Variants in EPB41 observed in about 807,000 individuals in gnomAD.
The protein encoded by EPB41 is erythrocyte membrane protein band 4.1.
A neutral mutation model predicts 108.0 loss-of-function variants in EPB41; 65 were observed. The ratio of observed to expected loss-of-function variants is 0.60; its 90% CI spans 0.49 to 0.74. The LOEUF (loss-of-function observed/expected upper bound fraction) is 0.74. Among genes scored for constraint, EPB41 ranks in the 30% least tolerant of loss-of-function variants. EPB41 has a pLI of 0.00. For synonymous variants in EPB41, 336 were observed against 358.9 expected, an observed-to-expected ratio of 0.94 and a Z score of 0.72; for missense variants, 875 against 1,037.0, an observed-to-expected ratio of 0.84 and a Z score of 2.15.
At chr1:28,973,300 T>G (rs2095533031) in intron 1 of EPB41, among the ~76,000 whole-genome samples, 1 of 152,212 alleles carries the variant, frequency 6.6e-6, no homozygotes, top group Admixed American at 6.5e-5. Flanking sequence ...ATAGCCCTTC[T>G]CTGGTGTCCT....
intron 1 of EPB41, among the ~76,000 whole-genome samples, chr1:28,966,326 A>T (rs1378577990): frequency 5.9e-5 from 9 of 152,126 alleles, no homozygotes; most frequent in Non-Finnish European, 1.3e-4. Context: ...TGATTTCTTT[A>T]CCCTTCACCA....
intron 7 of EPB41, among the ~76,000 whole-genome samples, chr1:29,022,587 G>T (rs2096660779): frequency 6.6e-6 from 1 of 151,954 alleles, no homozygotes; most frequent in Admixed American, 6.6e-5. Flanking sequence ...CAGGCATGGT[G>T]GTGGGCACCT....
Position 29,058,572 on chromosome 1 carries a change from T to G in EPB41, c.1846-17T>G. 1.2e-6 allele frequency: 2 copies of G among 1,610,766 alleles called. No individual in the cohort carries two copies. Among genetic ancestry groups the G allele is most frequent in the Middle Eastern group, 1.7e-4 (1 of 6,056 alleles). On this transcript the variant is annotated splice_polypyrimidine_tract_variant and intron_variant, in intron 12 of 20. Coordinates refer to ENST00000343067, the MANE Select transcript of EPB41 (RefSeq NM_001376013.1). Reference sequence around the variant, plus strand: ...CTAACCTAAAATGTTTTTACTACTTTTATTTCTTAAATGTAGGTGGAAAAA... The same window carrying G: ...CTAACCTAAAATGTTTTTACTACTTGTATTTCTTAAATGTAGGTGGAAAAA...
chr1:29,041,875 T>C (rs1641672046), intron 11 of EPB41, among the ~76,000 whole-genome samples: 1 of 152,220 alleles, frequency 6.6e-6, no homozygotes, highest in Non-Finnish European at 1.5e-5. Context: ...GATAGTATCA[T>C]ACTACCTCAA....
chr1:29,061,419 G>A lies in EPB41; in HGVS notation c.2007+935G>A, dbSNP rs191868989. Among the ~76,000 whole-genome samples the A allele has an allele frequency of 5.1e-3, 781 of 151,936 alleles. 10 individuals carry two copies. The highest frequency in any genetic ancestry group is 4.8e-3 in the Non-Finnish European group (325 of 67,928). Reference sequence around the variant, plus strand: ...CAAGTAGCTGGGACTACAGGCGCCCGCCACCTGTCTGGCTAATTTTTTTGT... The same window carrying A: ...CAAGTAGCTGGGACTACAGGCGCCCACCACCTGTCTGGCTAATTTTTTTGT... On this transcript the variant is annotated intron_variant, in intron 15 of 20. Transcript: ENST00000343067.
At chr1:28,995,555 C>T (rs1042892418) in intron 3 of EPB41, among the ~76,000 whole-genome samples, 4 of 152,056 alleles carry the variant, frequency 2.6e-5, no homozygotes, top group East Asian at 1.9e-4. Context: ...AGTGAGACTC[C>T]GTCTCAAAAC....
chr1:29,046,970 T>A (rs1643407362), intron 11 of EPB41, among the ~76,000 whole-genome samples: 1 of 152,144 alleles, frequency 6.6e-6, no homozygotes, highest in South Asian at 2.1e-4. Flanking sequence ...TTTGTAATGT[T>A]GTGGTCAGGT....
chr1:29,053,012 T>C (rs1044797609), intron 11 of EPB41, 92 bp from the exon 12 acceptor site: 1 of 1,366,220 alleles, frequency 7.3e-7, no homozygotes, highest in African/African-American at 1.4e-5. Context: ...TTCGTGTGTA[T>C]CCTGGATTCA....
At chr1:28,929,625 G>A (rs1358170658) in intron 1 of EPB41, among the ~76,000 whole-genome samples, 3 of 151,908 alleles carry the variant, frequency 2.0e-5, no homozygotes, top group African/African-American at 4.8e-5. Flanking sequence ...TCTGCCTCCC[G>A]GGTTCAAGCG....
chr1:28,926,129 G>A (rs931787030), intron 1 of EPB41, among the ~76,000 whole-genome samples: 1 of 151,650 alleles, frequency 6.6e-6, no homozygotes, highest in African/African-American at 2.4e-5. Context: ...TGGATCACCT[G>A]AAGTCAGAAG....
At chr1:29,020,205 T>C (rs2096626795) in intron 7 of EPB41, among the ~76,000 whole-genome samples, 1 of 151,860 alleles carries the variant, frequency 6.6e-6, no homozygotes, top group African/African-American at 2.4e-5. Context: ...GTAGCTGGGA[T>C]TACAGGCGCC....
At position 28,887,245 on chromosome 1, in the gene EPB41, C is replaced by G; in HGVS notation, c.-8+35C>G. On this transcript the variant is annotated intron_variant, in intron 1 of 16. Coordinates refer to the EPB41 transcript ENST00000347529. The surrounding 1 kb of genome is among the most constrained non-coding windows in gnomAD (Gnocchi z 4.9). ...GACCACCTGGGGGGCGACCCTCGGT[C>G]CCCGGGAGGGACGGGGTTAGGGACA... is the stretch of plus-strand genomic sequence containing the variant. 1 of 1,278,080 alleles carries G rather than the reference C, an allele frequency of 7.8e-7. No individual in the cohort carries two copies. The highest frequency in any genetic ancestry group is 5.6e-5 in the East Asian group (1 of 17,796). 79.2% of individuals were successfully genotyped at this position (1,278,080 alleles called of 1,614,324 possible).
chr1:28,988,573 T>G (rs937867941), intron 2 of EPB41, among the ~76,000 whole-genome samples: 12 of 152,264 alleles, frequency 7.9e-5, no homozygotes, highest in African/African-American at 1.4e-4. Flanking sequence ...TTGGCCAGGC[T>G]GGTCACAAAC....
Position 29,097,885 on chromosome 1 carries a change from GT to G in EPB41, c.2264del (p.Val755AlafsTer31), listed in dbSNP as rs1558303321. The G allele has an allele frequency of 6.2e-7, 1 of 1,613,968 alleles. No homozygotes were observed. ...GAAAAGTGAAATCCCAACCAAAGACGTCCCTATTGTCCACACTGAGACCAAG... is the reference window on the plus strand; with the variant it reads ...GAAAAGTGAAATCCCAACCAAAGACGCCCTATTGTCCACACTGAGACCAAG... The part of the protein sequence containing the change: ...AVKSEIPTKD[V>X]PIVHTETKTI... On this transcript the variant is annotated frameshift_variant, in exon 17 of 21. Transcript: ENST00000343067. LOFTEE classifies it high-confidence loss of function.
At chr1:29,090,336 T>G (rs1660732186) in intron 16 of EPB41, among the ~76,000 whole-genome samples, 1 of 152,184 alleles carries the variant, frequency 6.6e-6, no homozygotes, top group South Asian at 2.1e-4. Flanking sequence ...TAAAAATGCC[T>G]TGATGACATA....
At chr1:29,053,394 C>T (rs1488641095) in intron 12 of EPB41, 82 bp downstream of exon 12, 2 of 1,420,124 alleles carry the variant, frequency 1.4e-6, no homozygotes, top group Non-Finnish European at 2.0e-6. Flanking sequence ...GTTTTCAAAG[C>T]AATTGCTTAT....
At chr1:29,069,023 T>C in intron 16 of EPB41, 1 of 758,348 alleles carries the variant, frequency 1.3e-6, no homozygotes, top group Non-Finnish European at 1.8e-6. Flanking sequence ...TGCATGAAGA[T>C]ATAAATATGT....
intron 8 of EPB41, among the ~76,000 whole-genome samples, 166 bp from the exon 9 acceptor site, chr1:29,032,927 A>G (rs1346124773): frequency 1.3e-5 from 2 of 152,178 alleles, no homozygotes; most frequent in African/African-American, 4.8e-5. Flanking sequence ...ATGACTGCTG[A>G]TTTAAACATA....
intron 1 of EPB41, among the ~76,000 whole-genome samples, chr1:28,974,609 G>C (rs1235764939): frequency 6.6e-6 from 1 of 152,128 alleles, no homozygotes; most frequent in Admixed American, 6.5e-5. Context: ...GATTTGATTA[G>C]GAAGGGAAAT....
Sources: allele counts gnomAD v4.1 joint callset (sites outside exome capture counted in the v4.1 genomes callset), GRCh38; gene constraint gnomAD v4.1.1; non-coding constraint Gnocchi (gnomAD v3.1); transcripts MANE v1.5; gene names NCBI Gene and HGNC (gene_info 2026-07-23, HGNC 2026-07-21).